Variants in ADGRV1 observed in about 807,000 individuals in gnomAD.
ADGRV1 encodes the protein adhesion G protein-coupled receptor V1.
Under a neutral mutation model 596.2 loss-of-function variants are expected in ADGRV1, and 359 were observed. That is an observed-to-expected ratio of 0.60 (90% CI 0.55 to 0.66). The LOEUF (loss-of-function observed/expected upper bound fraction) is 0.66. Among genes scored for constraint, ADGRV1 ranks in the 30% least tolerant of loss-of-function variants. The probability of loss-of-function intolerance (pLI) is 0.00; values close to 1 mark genes in which losing one functional copy is unlikely to be tolerated. For synonymous variants in ADGRV1, 2,681 were observed against 2,679.2 expected (o/e 1.00, Z -0.02); for missense variants, 7,274 against 7,575.6 (o/e 0.96, Z 1.48).
At chr5:90,909,409 G>A (rs539411256) in intron 83 of ADGRV1, among the ~76,000 whole-genome samples, 13 of 152,084 alleles carry the variant, frequency 8.5e-5, no homozygotes, top group East Asian at 1.9e-4. Flanking sequence ...ATGTTGTAAC[G>A]TTTGCCTGGC....
chr5:90,980,538 T>C (rs1243310896), intron 84 of ADGRV1, among the ~76,000 whole-genome samples: 1 of 152,208 alleles, frequency 6.6e-6, no homozygotes, highest in Non-Finnish European at 1.5e-5. Flanking sequence ...GGTCTTAAGA[T>C]AGTTTATAAG....
intron 82 of ADGRV1, among the ~76,000 whole-genome samples, chr5:90,860,547 A>T (rs1767454221): frequency 6.6e-6 from 1 of 152,218 alleles, no homozygotes; most frequent in Admixed American, 6.5e-5. Context: ...TGCTGAGAAG[A>T]GAGTTGCAGA....
At chr5:90,624,965 G>T (rs551862872) in intron 5 of ADGRV1, among the ~76,000 whole-genome samples, 165 bp from the exon 6 acceptor site, 1 of 152,014 alleles carries the variant, frequency 6.6e-6, no homozygotes, top group Non-Finnish European at 1.5e-5. Context: ...CTATAATTAC[G>T]TTATAGGACC....
chr5:91,082,208 C>A (rs550611734), intron 86 of ADGRV1, among the ~76,000 whole-genome samples: 2 of 152,166 alleles, frequency 1.3e-5, no homozygotes, highest in African/African-American at 4.8e-5. Flanking sequence ...CATGTTTGAC[C>A]CAGAGAATTA....
At chr5:90,777,134 C>A (rs1375193448) in intron 61 of ADGRV1, among the ~76,000 whole-genome samples, 4 of 152,066 alleles carry the variant, frequency 2.6e-5, no homozygotes, top group Non-Finnish European at 4.4e-5. Flanking sequence ...AGGAAACTTA[C>A]AATTATGGCA....
intron 28 of ADGRV1, 86 bp downstream of exon 28, chr5:90,684,281 C>G (rs1745323588): frequency 4.8e-6 from 6 of 1,241,274 alleles, no homozygotes; most frequent in Non-Finnish European, 6.5e-6. Context: ...ATAGAAAATT[C>G]TATAAAAAGT....
intron 78 of ADGRV1, among the ~76,000 whole-genome samples, chr5:90,841,482 C>G (rs1467050405): frequency 6.6e-6 from 1 of 152,100 alleles, no homozygotes; most frequent in Non-Finnish European, 1.5e-5. Context: ...TAAGAAATGA[C>G]TAGATAATTT....
intron 85 of ADGRV1, among the ~76,000 whole-genome samples, chr5:91,016,488 C>G (rs138082116): frequency 1.5e-3 from 225 of 152,036 alleles, no homozygotes; most frequent in African/African-American, 4.9e-3. Context: ...CAAAGAAAAC[C>G]TCTGGACTTT....
At chr5:91,117,975 A>ATTTTCT (rs1792997937) in intron 87 of ADGRV1, among the ~76,000 whole-genome samples, 1 of 152,196 alleles carries the variant, frequency 6.6e-6, no homozygotes, top group Admixed American at 6.5e-5. Context: ...AGAAAATATT[A>ATTTTCT]GCTACTCTTA....
intron 83 of ADGRV1, among the ~76,000 whole-genome samples, chr5:90,959,935 C>A (rs555367439): frequency 1.9e-4 from 29 of 152,084 alleles, no homozygotes; most frequent in South Asian, 1.2e-3. Context: ...GTCAGGAGAT[C>A]AAGACCATCC....
intron 28 of ADGRV1, 100 bp downstream of exon 28, chr5:90,684,295 AAACTCT>A: frequency 8.8e-7 from 1 of 1,130,378 alleles, no homozygotes; most frequent in African/African-American, 1.6e-5. Context: ...AAAAAGTAGT[AAACTCT>A]AACTTTGAAA....
At chr5:90,754,925 TAACA>T (rs1755666702) in intron 54 of ADGRV1, 54 bp from the exon 55 acceptor site, 20 of 1,242,042 alleles carry the variant, frequency 1.6e-5, no homozygotes, top group Non-Finnish European at 2.1e-5. Flanking sequence ...TAGGTCCTTG[TAACA>T]GCATTGACAG....
chr5:91,114,549 G>C (rs1015123165), intron 87 of ADGRV1, among the ~76,000 whole-genome samples: 18 of 152,150 alleles, frequency 1.2e-4, no homozygotes, highest in Middle Eastern at 6.8e-3. Context: ...AGGAGGGAGG[G>C]AGGGAGGAAG....
At chr5:90,612,048 G>A (rs1201647702) in intron 1 of ADGRV1, among the ~76,000 whole-genome samples, 1 of 151,964 alleles carries the variant, frequency 6.6e-6, no homozygotes, top group Non-Finnish European at 1.5e-5. Context: ...CAGAATTTGA[G>A]GCATTTCCAA....
At chr5:90,829,428 CA>C (rs1176094739) in intron 77 of ADGRV1, among the ~76,000 whole-genome samples, 8 of 152,222 alleles carry the variant, frequency 5.3e-5, no homozygotes, top group African/African-American at 1.9e-4. Flanking sequence ...TTATACAGTG[CA>C]AACTATCTTA....
intron 76 of ADGRV1, among the ~76,000 whole-genome samples, chr5:90,827,496 C>T (rs1298192807): frequency 1.3e-5 from 2 of 151,944 alleles, no homozygotes; most frequent in Admixed American, 6.6e-5. Flanking sequence ...TTCTAATCAT[C>T]GTCACAATGA....
intron 77 of ADGRV1, among the ~76,000 whole-genome samples, chr5:90,830,262 A>G (rs1245509032): frequency 1.3e-5 from 2 of 152,166 alleles, no homozygotes; most frequent in East Asian, 1.9e-4. Flanking sequence ...ACTCCCTATT[A>G]TATGAGACCC....
intron 78 of ADGRV1, chr5:90,846,347 TAGAG>T (rs1249193345): frequency 2.0e-5 from 3 of 152,306 alleles, no homozygotes; most frequent in African/African-American, 7.2e-5. Context: ...GTAAGAATCA[TAGAG>T]AAAGTGATGA....
intron 1 of ADGRV1, among the ~76,000 whole-genome samples, chr5:90,569,120 A>C (rs1285160581): frequency 1.3e-5 from 2 of 151,844 alleles, no homozygotes; most frequent in African/African-American, 4.8e-5. Context: ...ATTAGACCAA[A>C]CTTATCCTTT....
Sources: allele counts gnomAD v4.1 joint callset (sites outside exome capture counted in the v4.1 genomes callset), GRCh38; gene constraint gnomAD v4.1.1; transcripts MANE v1.5; gene names NCBI Gene and HGNC (gene_info 2026-07-23, HGNC 2026-07-21).